RAB3GAP2: variants seen among roughly 807,000 people sequenced by gnomAD.
RAB3GAP2 encodes RAB3 GTPase activating non-catalytic protein subunit 2, also known as rab3 GTPase-activating protein non-catalytic subunit.
RAB3GAP2 carries 87 observed loss-of-function variants against 185.3 expected under a neutral mutation model. The observed-to-expected ratio is 0.47, with a 90% CI of 0.39 to 0.56. The LOEUF (loss-of-function observed/expected upper bound fraction) is 0.56. Among genes scored for constraint, RAB3GAP2 ranks in the 20% least tolerant of loss-of-function variants. RAB3GAP2 has a pLI of 0.00. For synonymous variants in RAB3GAP2, 554 were observed against 576.1 expected (o/e 0.96, Z 0.55); for missense variants, 1,492 against 1,638.2 (o/e 0.91, Z 1.54).
Position 220,163,744 on chromosome 1 carries a change from CATATAT to C in RAB3GAP2, c.3154+983_3154+988del, listed in dbSNP as rs373160821. On this transcript the variant is annotated intron_variant, in intron 27 of 34. Coordinates refer to ENST00000358951, the MANE Select transcript of RAB3GAP2 (RefSeq NM_012414.4). The stretch of plus-strand genomic sequence containing the variant: ...GTCAAGGTAAATATATAAATACATA[CATATAT>C]ATATATATATATATATATATATAGG... 3.4e-3 allele frequency among the ~76,000 whole-genome samples: 420 copies of C among 122,984 alleles called. 5 individuals carry two copies. Among genetic ancestry groups the C allele is most frequent in the African/African-American group, 9.0e-3 (287 of 31,834 alleles). 80.7% of individuals were successfully genotyped at this position (122,984 alleles called of 152,430 possible).
At chr1:220,167,746 A>AT (rs1226370159) in intron 24 of RAB3GAP2, 71 bp from the exon 25 acceptor site, 5 of 1,470,720 alleles carry the variant, frequency 3.4e-6, no homozygotes, top group Non-Finnish European at 4.7e-6. Flanking sequence ...ATGGGAGCCA[A>AT]TTTCCTTACG....
intron 2 of RAB3GAP2, among the ~76,000 whole-genome samples, chr1:220,215,678 A>G (rs1654385102): frequency 6.6e-6 from 1 of 152,034 alleles, no homozygotes; most frequent in African/African-American, 2.4e-5. Flanking sequence ...AGTTTTTCCT[A>G]TTTGTGATGG....
At chr1:220,173,456 G>A (rs942682971) in intron 21 of RAB3GAP2, among the ~76,000 whole-genome samples, 10 of 152,148 alleles carry the variant, frequency 6.6e-5, no homozygotes, top group Admixed American at 4.6e-4. Context: ...ATACTTTTAT[G>A]TGAAAAATAG....
intron 3 of RAB3GAP2, 116 bp downstream of exon 3, chr1:220,213,740 G>GAA: frequency 7.0e-6 from 7 of 1,002,186 alleles, no homozygotes; most frequent in Non-Finnish European, 9.9e-6. Context: ...GTTGGGGGGG[G>GAA]GGGGAGAGAG....
At chr1:220,249,602 T>TA (rs1390291975) in intron 1 of RAB3GAP2, among the ~76,000 whole-genome samples, 1 of 152,190 alleles carries the variant, frequency 6.6e-6, no homozygotes, top group East Asian at 1.9e-4. Context: ...ATCCAAATGT[T>TA]AATCACCAAG....
At chr1:220,209,597 GATA>G (rs1274757253) in intron 7 of RAB3GAP2, among the ~76,000 whole-genome samples, 2 of 151,974 alleles carry the variant, frequency 1.3e-5, no homozygotes, top group Admixed American at 6.6e-5. Context: ...TTCATCCATA[GATA>G]TTATTAGATT....
At chr1:220,256,904 G>A (rs1349925722) in intron 1 of RAB3GAP2, among the ~76,000 whole-genome samples, 1 of 152,150 alleles carries the variant, frequency 6.6e-6, no homozygotes, top group Non-Finnish European at 1.5e-5. Context: ...GGACTTGATA[G>A]ATATCTACAG....
At chr1:220,243,610 A>G (rs1268536834) in intron 1 of RAB3GAP2, among the ~76,000 whole-genome samples, 1 of 152,154 alleles carries the variant, frequency 6.6e-6, no homozygotes, top group Non-Finnish European at 1.5e-5. Context: ...TGTTTTCCAG[A>G]GTACATCATC....
At chr1:220,201,972 C>T (rs1658868912) in intron 9 of RAB3GAP2, among the ~76,000 whole-genome samples, 1 of 151,864 alleles carries the variant, frequency 6.6e-6, no homozygotes, top group Admixed American at 6.6e-5. Context: ...CAAGACCAAC[C>T]CAGCCAACAT....
At chr1:220,266,566 A>G in intron 1 of RAB3GAP2, 4 of 786,790 alleles carry the variant, frequency 5.1e-6, no homozygotes, top group Non-Finnish European at 8.6e-6. Context: ...GTTAAGGCAC[A>G]CCTGCTCAGT....
intron 7 of RAB3GAP2, among the ~76,000 whole-genome samples, chr1:220,206,940 A>G (rs745851752): frequency 2.6e-4 from 39 of 152,148 alleles, no homozygotes; most frequent in Non-Finnish European, 4.7e-4. Context: ...AACAGCACCT[A>G]TCAGAGATTG....
rs1264842292 is a variant in RAB3GAP2, at chr1:220,249,514, G to A, written c.116-16651C>T. 3.9e-5 allele frequency among the ~76,000 whole-genome samples: 6 copies of A among 152,224 alleles called. No homozygotes were observed. The South Asian group carries it at 8.3e-4, about 21-fold the overall frequency. On this transcript the variant is annotated intron_variant, in intron 1 of 34. Coordinates refer to ENST00000358951, the MANE Select transcript of RAB3GAP2 (RefSeq NM_012414.4). ...TAAAAGTTTGAAAAATTTGTAGCCC[G>A]ACAATACAATAGAAAAGAAAAACCC...
At chr1:220,235,359 C>A (rs1452148816) in intron 1 of RAB3GAP2, among the ~76,000 whole-genome samples, 1 of 152,128 alleles carries the variant, frequency 6.6e-6, no homozygotes, top group Non-Finnish European at 1.5e-5. Flanking sequence ...GGCAACAAGG[C>A]TATCCCATTT....
At chr1:220,239,014 A>C (rs1659643585) in intron 1 of RAB3GAP2, among the ~76,000 whole-genome samples, 1 of 152,238 alleles carries the variant, frequency 6.6e-6, no homozygotes, top group Non-Finnish European at 1.5e-5. Flanking sequence ...ATAGTAATTG[A>C]AAATGACATT....
Position 220,157,445 on chromosome 1 carries a change from G to A in RAB3GAP2, c.3380C>T (p.Thr1127Ile). 6.2e-7 allele frequency: 1 copy of A among 1,613,944 alleles called. No homozygotes were observed. Among genetic ancestry groups the A allele is most frequent in the Non-Finnish European group, 8.5e-7 (1 of 1,180,024 alleles). ...RDEIQVPVLD[T>I]EDAWLSVEGP... is the part of the protein sequence containing the mutation. ...TTCCACGGAGAGCCACGCATCCTCA[G>A]TATCCAGCACAGGCACCTGTATTTC... The change falls in exon 31 of 35, where the codon ACT becomes ATT. Residue 1127 changes from threonine to isoleucine, a missense_variant. Around this residue, in one of 5 missense-constraint regions of RAB3GAP2, gnomAD observed 387 missense variants for 455.3 expected, o/e 0.85. Transcript: ENST00000358951.
chr1:220,193,177 C>T (rs1658656893), intron 13 of RAB3GAP2, 63 bp downstream of exon 13: 6 of 1,575,864 alleles, frequency 3.8e-6, no homozygotes, highest in Non-Finnish European at 3.5e-6. Context: ...AGGATGATAA[C>T]ATTGCTCAAC....
rs376507460 is a variant in RAB3GAP2, at chr1:220,185,608, T to A, written c.1870+43A>T. 4.5e-5 allele frequency: 65 copies of A among 1,453,406 alleles called. No homozygotes were observed. The African/African-American group carries it at 8.4e-4, about 19-fold the overall frequency. 90.0% of individuals were successfully genotyped at this position (1,453,406 alleles called of 1,614,324 possible). A position where few individuals can be genotyped will look rare whatever the true frequency, so the allele number is the denominator to read the frequency against. On this transcript the variant is annotated intron_variant, in intron 18 of 34. Coordinates refer to ENST00000358951, the MANE Select transcript of RAB3GAP2 (RefSeq NM_012414.4). ...CTTTCTATAATCAGAGTTACAAAAT[T>A]TGAGTTAAGAACATAACCTCCAATC... is the stretch of plus-strand genomic sequence containing the variant.
Position 220,157,365 on chromosome 1 carries a change from G to T in RAB3GAP2, c.3460C>A (p.Leu1154Met). 1.2e-6 allele frequency: 2 copies of T among 1,613,290 alleles called. No individual in the cohort carries two copies. The highest frequency in any genetic ancestry group is 2.2e-5 in the East Asian group (1 of 44,874). The part of the protein sequence containing the change: ...ALEQKHIHYP[L>M]VEHHSILCSI... The stretch of plus-strand genomic sequence containing the variant: ...CACAGGATGGAGTGGTGCTCCACCA[G>T]TGGGTAGTGGATGTGCTTCTGTTCA... The change falls in exon 31 of 35, where the codon CTG (leucine) becomes ATG (methionine). Residue 1154 changes from leucine (L) to methionine (M), a missense_variant. By Grantham distance (15) the Leu-to-Met change is conservative. Coordinates refer to ENST00000358951, the MANE Select transcript of RAB3GAP2 (RefSeq NM_012414.4).
intron 1 of RAB3GAP2, chr1:220,267,019 A>G: frequency 3.1e-6 from 5 of 1,611,382 alleles, no homozygotes; most frequent in Non-Finnish European, 4.2e-6. Flanking sequence ...ACCTTCAATC[A>G]TTTCGGGGGG....
Sources: gnomAD v4.1 joint callset for allele counts (sites outside exome capture counted in the v4.1 genomes callset) on GRCh38, gnomAD v4.1.1 for gene constraint, gnomAD v4.1.1 regional missense constraint, MANE v1.5 for transcripts, NCBI Gene and HGNC (gene_info 2026-07-23, HGNC 2026-07-21) for gene names.